Variants in RASSF4 observed in about 807,000 individuals in gnomAD.
RASSF4 encodes ras association domain-containing protein 4.
Under a neutral mutation model 41.1 loss-of-function variants are expected in RASSF4, and 38 were observed. The ratio of observed to expected loss-of-function variants is 0.92; its 90% CI spans 0.71 to 1.21. RASSF4 has a LOEUF of 1.21. Ranked by LOEUF, RASSF4 falls within the 50% of genes most tolerant of loss-of-function variation. The probability of loss-of-function intolerance (pLI) is 0.00; values close to 1 mark genes in which losing one functional copy is unlikely to be tolerated. For missense variants in RASSF4, 414 were observed against 419.4 expected (o/e 0.99, Z 0.11); for synonymous variants, 179 against 163.4 (o/e 1.10, Z -0.73).
At chr10:44,967,178 C>T (rs1840933353) in intron 1 of RASSF4, among the ~76,000 whole-genome samples, 1 of 152,170 alleles carries the variant, frequency 6.6e-6, no homozygotes, top group African/African-American at 2.4e-5. Flanking sequence ...GGTCCACAGT[C>T]ACTCAGGGAC....
At position 44,966,673 on chromosome 10, in the gene RASSF4, T is replaced by C. The variant is rs145489457; in HGVS notation, c.-38-3492T>C. On this transcript the variant is annotated intron_variant, in intron 1 of 10. Coordinates refer to ENST00000340258, the MANE Select transcript of RASSF4 (RefSeq NM_032023.4). Reference sequence around the variant, plus strand: ...AAATATGGGTGTTCTGGAACTGTCATGGTGCCTGTGGGTGTGTAATTTAGC... The same window carrying C: ...AAATATGGGTGTTCTGGAACTGTCACGGTGCCTGTGGGTGTGTAATTTAGC... Among the ~76,000 whole-genome samples, 972 of 152,286 alleles carry C rather than the reference T, an allele frequency of 6.4e-3. 11 individuals carry two copies. Among genetic ancestry groups the C allele is most frequent in the African/African-American group, 0.022 (900 of 41,550 alleles).
chr10:44,990,951 G>C lies in RASSF4; in HGVS notation c.689G>C (p.Arg230Pro). 6.2e-7 allele frequency: 1 copy of C among 1,611,230 alleles called. No individual in the cohort carries two copies. Among genetic ancestry groups the C allele is most frequent in the Non-Finnish European group, 8.5e-7 (1 of 1,177,684 alleles). Residue 230 changes from arginine (R) to proline (P), a missense_variant, in exon 9 of 11, where the codon CGG becomes CCG. Physicochemically the swap from Arg to Pro is moderately radical, Grantham distance 103. Transcript: ENST00000340258. Reference sequence around the variant, plus strand: ...TGTAAACCACCTTCTTTTTCAGAGCGGACAAAATTAAAAGACTGCGAGTAC... The same window carrying C: ...TGTAAACCACCTTCTTTTTCAGAGCCGACAAAATTAAAAGACTGCGAGTAC... ...ALYIVHESGE[R>P]TKLKDCEYPL...
At position 44,982,631 on chromosome 10, in the gene RASSF4, C is replaced by T. The variant is rs34535690; in HGVS notation, c.249C>T (p.Thr83=). 1.2e-6 allele frequency: 2 copies of T among 1,613,500 alleles called. No individual in the cohort carries two copies. The highest frequency in any genetic ancestry group is 4.5e-5 in the East Asian group (2 of 44,858). Residue 83 remains threonine (T), a synonymous_variant, in exon 4 of 11, where the codon ACC becomes ACT. Transcript: ENST00000340258. ...GGGAGCAGGTGCACCTCCCCTCCAC[C>T]TCATGGATGCCCAGACGGCCTAGCT... is the stretch of plus-strand genomic sequence containing the variant. ...DDREQVHLPS[T]SWMPRRPSCP... is the part of the protein sequence containing the mutation.
chr10:44,992,583 C>T (rs1317573166), intron 10 of RASSF4, among the ~76,000 whole-genome samples: 1 of 152,186 alleles, frequency 6.6e-6, no homozygotes, highest in Non-Finnish European at 1.5e-5. Context: ...GTCCCAATGA[C>T]GTCTCCCCCT....
chr10:44,991,312 T>C (rs1247102605), intron 9 of RASSF4: 3 of 394,494 alleles, frequency 7.6e-6, no homozygotes, highest in African/African-American at 6.0e-5. Flanking sequence ...GGCCTGTCCT[T>C]TTCCTCTAGG....
intron 3 of RASSF4, chr10:44,977,623 A>G (rs369762946): frequency 4.3e-6 from 7 of 1,613,102 alleles, no homozygotes; most frequent in South Asian, 1.1e-5. Flanking sequence ...CCATCTGTCT[A>G]TGTGGACCCC....
chr10:44,990,808 C>T (rs1431572069), intron 8 of RASSF4, 140 bp from the exon 9 acceptor site: 2 of 750,302 alleles, frequency 2.7e-6, no homozygotes, highest in Non-Finnish European at 4.2e-6. Flanking sequence ...AGGAATCTCT[C>T]AGGGCAGCGC....
intron 6 of RASSF4, among the ~76,000 whole-genome samples, chr10:44,987,726 G>A (rs2132800670): frequency 1.3e-5 from 2 of 150,508 alleles, no homozygotes; most frequent in East Asian, 3.9e-4. Flanking sequence ...CCAACACTAT[G>A]TGCTCACTTT....
At chr10:44,961,654 C>A (rs1238147797) in intron 1 of RASSF4, among the ~76,000 whole-genome samples, 1 of 152,202 alleles carries the variant, frequency 6.6e-6, no homozygotes, top group Admixed American at 6.5e-5. Context: ...TGGGTGAGCC[C>A]AACACAAGGC....
At chr10:44,971,338 G>A (rs940209404) in intron 2 of RASSF4, 2 of 376,610 alleles carry the variant, frequency 5.3e-6, no homozygotes, top group African/African-American at 4.2e-5. Context: ...GCACCCCTCA[G>A]GGTGGCCCGC....
intron 6 of RASSF4, among the ~76,000 whole-genome samples, chr10:44,986,034 T>C (rs1482983356): frequency 6.6e-6 from 1 of 152,230 alleles, no homozygotes; most frequent in Non-Finnish European, 1.5e-5. Flanking sequence ...TAAATCTTGT[T>C]CCAAAAGGGG....
chr10:44,973,019 C>T (rs1472831725), intron 3 of RASSF4, among the ~76,000 whole-genome samples: 2 of 152,232 alleles, frequency 1.3e-5, no homozygotes, highest in Non-Finnish European at 2.9e-5. Context: ...CCAGGCCAGA[C>T]ATCACACCCT....
intron 1 of RASSF4, among the ~76,000 whole-genome samples, chr10:44,964,491 G>C (rs896612351): frequency 2.6e-5 from 4 of 152,190 alleles, no homozygotes; most frequent in African/African-American, 9.7e-5. Context: ...CTGTCACTCT[G>C]TGGTTTTTTG....
chr10:44,979,766 G>T (rs1412250208), intron 3 of RASSF4, among the ~76,000 whole-genome samples: 1 of 152,096 alleles, frequency 6.6e-6, no homozygotes, highest in Non-Finnish European at 1.5e-5. Flanking sequence ...GGTGGATGCT[G>T]TGTTTCCCTC....
intron 3 of RASSF4, chr10:44,977,852 T>C (rs748089414): frequency 6.2e-7 from 1 of 1,609,712 alleles, no homozygotes; most frequent in Non-Finnish European, 8.5e-7. Flanking sequence ...GGGTTGGCCC[T>C]GGGCCGTGGC....
Position 44,974,081 on chromosome 10 carries a change from G to C in RASSF4, c.138+2233G>C, listed in dbSNP as rs73281403. Among the ~76,000 whole-genome samples the C allele has an allele frequency of 3.4e-3, 525 of 152,352 alleles. 5 individuals carry two copies. The highest frequency in any genetic ancestry group is 0.012 in the African/African-American group (504 of 41,578). On this transcript the variant is annotated intron_variant, in intron 3 of 10. Transcript: ENST00000340258. ...ACCACATAAGACGAGGCTTTAGGCT[G>C]TGACACTGATAGGCACAACTGGTCC...
In RASSF4 at chr10:44,982,648, G is replaced by C; in HGVS notation, c.266G>C (p.Arg89Pro). 1 of 1,613,144 alleles carries C rather than the reference G, an allele frequency of 6.2e-7. No homozygotes were observed. The highest frequency in any genetic ancestry group is 8.5e-7 in the Non-Finnish European group (1 of 1,179,490). Residue 89 changes from arginine (R) to proline (P), a missense_variant, in exon 4 of 11, where the codon CGG (arginine) becomes CCG (proline). Arg to Pro is a moderately radical substitution (Grantham distance 103). Transcript: ENST00000340258. ...CCCTCCACCTCATGGATGCCCAGAC[G>C]GCCTAGCTGCCCTCTGTGAGTACCC... Reference protein sequence around the residue: ...HLPSTSWMPRRPSCPLKEPSP... With the variant: ...HLPSTSWMPRPPSCPLKEPSP...
intron 1 of RASSF4, among the ~76,000 whole-genome samples, chr10:44,969,646 G>A (rs1057386057): frequency 1.3e-5 from 2 of 152,162 alleles, no homozygotes; most frequent in East Asian, 1.9e-4. Context: ...TCACAATATC[G>A]TTGTAGGGAC....
At chr10:44,962,797 A>G (rs1840755761) in intron 1 of RASSF4, among the ~76,000 whole-genome samples, 4 of 152,248 alleles carry the variant, frequency 2.6e-5, no homozygotes, top group Admixed American at 2.6e-4. Context: ...TTCCAGGAGC[A>G]GAGAATGTAT....
Sources: allele counts gnomAD v4.1 joint callset (sites outside exome capture counted in the v4.1 genomes callset), GRCh38; gene constraint gnomAD v4.1.1; transcripts MANE v1.5; gene names NCBI Gene and HGNC (gene_info 2026-07-23, HGNC 2026-07-21).